UNC13B: variants seen among roughly 807,000 people sequenced by gnomAD.
The protein encoded by UNC13B is unc-13 homolog B.
In UNC13B, 144 loss-of-function variants were observed where a neutral mutation model predicts 211.0. The observed-to-expected ratio is 0.68, with a 90% CI of 0.60 to 0.78. The LOEUF is 0.78. Among genes scored for constraint, UNC13B ranks in the 30% least tolerant of loss-of-function variants. The pLI is 0.00. For synonymous variants in UNC13B, 709 were observed against 725.8 expected, an observed-to-expected ratio of 0.98 and a Z score of 0.37; for missense variants, 1,777 against 2,002.0, an observed-to-expected ratio of 0.89 and a Z score of 2.14.
intron 11 of UNC13B, among the ~76,000 whole-genome samples, chr9:35,341,084 T>C (rs1351202245): frequency 6.6e-6 from 1 of 152,180 alleles, no homozygotes; most frequent in Non-Finnish European, 1.5e-5. Flanking sequence ...TTATGAAATT[T>C]GGGGTCATAA....
At chr9:35,403,141 G>A (rs762543197) in intron 37 of UNC13B, 26 bp from the exon 38 acceptor site, 2 of 1,610,936 alleles carry the variant, frequency 1.2e-6, no homozygotes, top group South Asian at 1.1e-5. Context: ...CTCCAATGGG[G>A]AATCATCTCT....
chr9:35,394,311 A>G (rs1318234439), intron 26 of UNC13B, among the ~76,000 whole-genome samples: 2 of 152,136 alleles, frequency 1.3e-5, no homozygotes, highest in Non-Finnish European at 2.9e-5. Context: ...CGAAGCTTAT[A>G]TAGGCCAGGC....
intron 15 of UNC13B, 106 bp downstream of exon 15, chr9:35,376,353 A>C (rs1834410356): frequency 1.4e-5 from 16 of 1,145,024 alleles, no homozygotes; most frequent in Non-Finnish European, 1.6e-5. Context: ...CCCCCAGTCC[A>C]CCTGATTCTG....
chr9:35,191,890 C>T (rs1431972633), intron 1 of UNC13B, among the ~76,000 whole-genome samples: 1 of 152,200 alleles, frequency 6.6e-6, no homozygotes, highest in Non-Finnish European at 1.5e-5. Flanking sequence ...CCTAAGGTAC[C>T]CTTTCTTTCC....
intron 1 of UNC13B, among the ~76,000 whole-genome samples, chr9:35,181,284 T>G (rs1821924670): frequency 2.0e-5 from 3 of 152,216 alleles, no homozygotes; most frequent in Admixed American, 2.0e-4. Flanking sequence ...TGTTTCATGA[T>G]TTTAAGCAAG....
intron 2 of UNC13B, among the ~76,000 whole-genome samples, chr9:35,229,781 A>G (rs185949379): frequency 6.6e-6 from 1 of 152,120 alleles, no homozygotes; most frequent in Admixed American, 6.6e-5. Context: ...TTCCATGTTG[A>G]TAAGTATAAA....
intron 7 of UNC13B, among the ~76,000 whole-genome samples, chr9:35,277,875 A>G (rs930618999): frequency 4.9e-4 from 74 of 151,912 alleles, no homozygotes; most frequent in African/African-American, 1.7e-3. Context: ...AGTACCCTCA[A>G]TGGGTACACA....
chr9:35,325,413 A>G (rs989877028), intron 11 of UNC13B, among the ~76,000 whole-genome samples: 2 of 152,132 alleles, frequency 1.3e-5, no homozygotes, highest in Non-Finnish European at 2.9e-5. Flanking sequence ...CTCTGCTTAC[A>G]CAGCTTGCCT....
chr9:35,346,956 G>A (rs1587668480), intron 11 of UNC13B, among the ~76,000 whole-genome samples: 1 of 148,244 alleles, frequency 6.7e-6, no homozygotes, highest in African/African-American at 2.5e-5. Context: ...ACAGGGTCTT[G>A]TTCTGTCACC....
At chr9:35,324,345 T>G (rs1830895225) in intron 11 of UNC13B, among the ~76,000 whole-genome samples, 1 of 152,218 alleles carries the variant, frequency 6.6e-6, no homozygotes, top group South Asian at 2.1e-4. Context: ...ATAGATTGCC[T>G]TATATCTTAG....
intron 1 of UNC13B, among the ~76,000 whole-genome samples, chr9:35,188,788 A>G (rs915210737): frequency 3.9e-5 from 6 of 152,258 alleles, no homozygotes; most frequent in African/African-American, 1.2e-4. Context: ...TGAAAATCCT[A>G]TTCAAAGTCA....
chr9:35,231,933 T>C (rs1231506117), intron 3 of UNC13B, among the ~76,000 whole-genome samples: 1 of 152,030 alleles, frequency 6.6e-6, no homozygotes, highest in African/African-American at 2.4e-5. Flanking sequence ...TTTAGCTTCA[T>C]AGGGCACTAG....
chr9:35,307,204 T>G lies in UNC13B; in HGVS notation c.7800T>G (p.Ile2600Met). ...KMEDNNTPEN[I>M]LEPQRSETIN... ...AAGACAATAATACTCCTGAAAATAT[T>G]CTGGAACCTCAACGTTCTGAAACAA... The change falls in exon 9 of 40, where the codon ATT becomes ATG. Residue 2600 changes from isoleucine (I) to methionine (M), a missense_variant. By Grantham distance (10) the Ile-to-Met change is conservative. Coordinates refer to ENST00000635942, the MANE Select transcript of UNC13B (RefSeq NM_001371189.2). 1 of 398,910 alleles carries G rather than the reference T, an allele frequency of 2.5e-6. No individual in the cohort carries two copies. The highest frequency in any genetic ancestry group is 1.3e-4 in the South Asian group (1 of 7,852). 24.7% of individuals were successfully genotyped at this position (398,910 alleles called of 1,614,324 possible).
chr9:35,184,761 G>A (rs12003814), intron 1 of UNC13B, among the ~76,000 whole-genome samples: 2,348 of 50,708 alleles, frequency 0.046, 56 homozygotes, highest in African/African-American at 0.15. Flanking sequence ...AGAAAGAAAG[G>A]AAGGAAGGAA....
At chr9:35,224,133 G>C (rs1824710942) in intron 1 of UNC13B, among the ~76,000 whole-genome samples, 1 of 152,080 alleles carries the variant, frequency 6.6e-6, no homozygotes, top group Non-Finnish European at 1.5e-5. Context: ...GACTATCCAG[G>C]GTCTTTTGTG....
At chr9:35,174,427 C>T (rs10972367) in intron 1 of UNC13B, among the ~76,000 whole-genome samples, 124,163 of 151,790 alleles carry the variant, frequency 0.82, 51,049 homozygotes, top group East Asian at 0.98. Flanking sequence ...TGGGTTCAAG[C>T]GATTCTCTTG....
intron 11 of UNC13B, among the ~76,000 whole-genome samples, chr9:35,350,245 A>G (rs570211281): frequency 2.0e-5 from 3 of 152,332 alleles, no homozygotes; most frequent in South Asian, 2.1e-4. Context: ...GCAGTCACCA[A>G]TAGCTTAGGG....
Position 35,174,821 on chromosome 9 carries a change from C to T in UNC13B, c.22+12516C>T, listed in dbSNP as rs572225731. ...CAGGATAGTCTCAATCTCCTGACCT[C>T]GTGATCTGCCTGCCTCAGCCTCCCA... On this transcript the variant is annotated intron_variant, in intron 1 of 39. Coordinates refer to ENST00000635942, the MANE Select transcript of UNC13B (RefSeq NM_001371189.2). 7.9e-5 allele frequency among the ~76,000 whole-genome samples: 12 copies of T among 152,284 alleles called. 1 individual carries two copies. Among genetic ancestry groups the T allele is most frequent in the South Asian group, 4.1e-4 (2 of 4,824 alleles).
chr9:35,179,862 T>G (rs1821840929), intron 1 of UNC13B, among the ~76,000 whole-genome samples: 1 of 152,194 alleles, frequency 6.6e-6, no homozygotes, highest in Admixed American at 6.5e-5. Flanking sequence ...AGTTAAAGCA[T>G]TAAGTTCAGT....
Sources: allele counts gnomAD v4.1 joint callset (sites outside exome capture counted in the v4.1 genomes callset), GRCh38; gene constraint gnomAD v4.1.1; transcripts MANE v1.5; gene names NCBI Gene and HGNC (gene_info 2026-07-23, HGNC 2026-07-21).